The following RALGPS1 variants were observed in gnomAD, a reference collection of about 807,000 sequenced individuals.
RALGPS1 encodes the protein ras-specific guanine nucleotide-releasing factor RalGPS1.
RALGPS1 carries 19 observed loss-of-function variants against 78.8 expected under a neutral mutation model. The ratio of observed to expected loss-of-function variants is 0.24; its 90% CI spans 0.17 to 0.35. RALGPS1 has a LOEUF of 0.35. Among genes scored for constraint, RALGPS1 ranks in the 10% least tolerant of loss-of-function variants. The pLI is 1.00. For missense variants in RALGPS1, 454 were observed against 688.3 expected (o/e 0.66, Z 3.81); for synonymous variants, 228 against 256.3 (o/e 0.89, Z 1.06).
intron 1 of RALGPS1, among the ~76,000 whole-genome samples, chr9:126,953,197 A>G (rs978978548): frequency 5.3e-5 from 8 of 152,144 alleles, no homozygotes; most frequent in Non-Finnish European, 1.0e-4. Flanking sequence ...GTCCCCCCAC[A>G]CAAGACCAGA....
At chr9:126,939,103 C>T (rs1220888498) in intron 1 of RALGPS1, among the ~76,000 whole-genome samples, 1 of 152,206 alleles carries the variant, frequency 6.6e-6, no homozygotes, top group Non-Finnish European at 1.5e-5. Flanking sequence ...AGGGTCTGCA[C>T]TTCAGCACAG....
At chr9:126,991,810 A>C (rs910730915) in intron 4 of RALGPS1, among the ~76,000 whole-genome samples, 1 of 152,258 alleles carries the variant, frequency 6.6e-6, no homozygotes, top group Admixed American at 6.5e-5. Flanking sequence ...GACCTCGCAC[A>C]TGGCAGAAAC....
At chr9:127,159,722 T>C (rs1264052547) in intron 8 of RALGPS1, among the ~76,000 whole-genome samples, 1 of 152,218 alleles carries the variant, frequency 6.6e-6, no homozygotes, top group Admixed American at 6.5e-5. Context: ...AAATGCTTTG[T>C]GCTCTCTTAA....
chr9:126,916,232 G>A (rs2034144754), intron 1 of RALGPS1, among the ~76,000 whole-genome samples: 1 of 152,168 alleles, frequency 6.6e-6, no homozygotes, highest in African/African-American at 2.4e-5. Flanking sequence ...CTGTCTTTTC[G>A]CAGTTTGGGA....
intron 8 of RALGPS1, among the ~76,000 whole-genome samples, chr9:127,149,037 G>A (rs771456168): frequency 3.9e-5 from 6 of 152,186 alleles, no homozygotes; most frequent in East Asian, 1.9e-4. Context: ...GGGAGGCACC[G>A]TTGTTAGCCC....
intron 1 of RALGPS1, among the ~76,000 whole-genome samples, chr9:126,940,587 C>G (rs1021381184): frequency 3.3e-5 from 5 of 152,048 alleles, no homozygotes; most frequent in African/African-American, 7.2e-5. Context: ...CTACAAGCCG[C>G]CCGCCACCAT....
intron 3 of RALGPS1, among the ~76,000 whole-genome samples, chr9:126,972,292 G>A (rs2040194078): frequency 6.6e-6 from 1 of 152,198 alleles, no homozygotes; most frequent in Admixed American, 6.5e-5. Flanking sequence ...TGATAATGGG[G>A]CAGTTTATAA....
intron 13 of RALGPS1, among the ~76,000 whole-genome samples, chr9:127,196,958 AC>A (rs1284246790): frequency 2.0e-5 from 3 of 152,134 alleles, no homozygotes; most frequent in Non-Finnish European, 4.4e-5. Context: ...AGACTGGACC[AC>A]AGTCAGGCTT....
chr9:127,071,113 CAT>C (rs79918276), intron 8 of RALGPS1, among the ~76,000 whole-genome samples: 15,706 of 148,032 alleles, frequency 0.11, 2,621 homozygotes, highest in African/African-American at 0.36. Flanking sequence ...CTAAAGCAAA[CAT>C]ATATATATAT....
intron 8 of RALGPS1, among the ~76,000 whole-genome samples, chr9:127,151,813 C>T (rs2058440090): frequency 6.6e-6 from 1 of 152,118 alleles, no homozygotes; most frequent in African/African-American, 2.4e-5. Context: ...TCCCTAGATA[C>T]ATTCTGGCTA....
rs370366682 is a variant in RALGPS1 at position 126,935,982 on chromosome 9, G to A, written c.-66+21007G>A. ...CGAGGAATCTGGGCTGAATTGGCCC[G>A]AGTCCATTCAGCTAGGGGAGGACTG... On this transcript the variant is annotated intron_variant, in intron 1 of 18. Coordinates refer to ENST00000259351, the MANE Select transcript of RALGPS1 (RefSeq NM_014636.3). Among the ~76,000 whole-genome samples the A allele has an allele frequency of 6.5e-4, 99 of 152,324 alleles. 3 individuals carry two copies. The South Asian group carries it at 0.02, about 31-fold the overall frequency.
At chr9:127,012,270 T>C (rs539477975) in intron 4 of RALGPS1, among the ~76,000 whole-genome samples, 110 of 152,274 alleles carry the variant, frequency 7.2e-4, no homozygotes, top group African/African-American at 2.5e-3. Flanking sequence ...TATTTCCCCC[T>C]TTTGAATTAT....
chr9:126,928,308 G>A (rs2035486710), intron 1 of RALGPS1, among the ~76,000 whole-genome samples: 2 of 152,166 alleles, frequency 1.3e-5, no homozygotes, highest in Admixed American at 1.3e-4. Flanking sequence ...GTTAACTTGA[G>A]GGGGAGTCCT....
rs553949279 is a variant in RALGPS1, at chr9:127,111,597, C to T, written c.610+42241C>T. Among the ~76,000 whole-genome samples the T allele has an allele frequency of 3.3e-5, 5 of 152,326 alleles. No individual in the cohort carries two copies. The East Asian group carries it at 9.6e-4, about 29-fold the overall frequency. Reference sequence around the variant, plus strand: ...AGGTCAGAGCTGCGCAGAGGAGGGCCTATGTGTGTATTTATTAATAACATC... The same window carrying T: ...AGGTCAGAGCTGCGCAGAGGAGGGCTTATGTGTGTATTTATTAATAACATC... On this transcript the variant is annotated intron_variant, in intron 8 of 18. Coordinates refer to ENST00000259351, the MANE Select transcript of RALGPS1 (RefSeq NM_014636.3).
At chr9:127,035,942 A>G (rs17368205) in intron 5 of RALGPS1, among the ~76,000 whole-genome samples, 3,572 of 152,066 alleles carry the variant, frequency 0.023, 47 homozygotes, top group Middle Eastern at 0.048. Context: ...CAGGGAATTC[A>G]TAGTTTCCTT....
At chr9:127,097,716 G>C (rs2053288513) in intron 8 of RALGPS1, among the ~76,000 whole-genome samples, 2 of 152,196 alleles carry the variant, frequency 1.3e-5, no homozygotes, top group Non-Finnish European at 2.9e-5. Flanking sequence ...ATCTATAGCT[G>C]TTCCATATAA....
At chr9:127,048,724 CATATTAAA>C (rs1323251914) in intron 5 of RALGPS1, among the ~76,000 whole-genome samples, 3 of 152,156 alleles carry the variant, frequency 2.0e-5, no homozygotes, top group African/African-American at 7.2e-5. Flanking sequence ...AAAATGTACA[CATATTAAA>C]ATATAAGGTT....
chr9:127,152,982 A>C (rs929414367), intron 8 of RALGPS1, among the ~76,000 whole-genome samples: 1 of 152,206 alleles, frequency 6.6e-6, no homozygotes, highest in Non-Finnish European at 1.5e-5. Flanking sequence ...GGAGTTGAAT[A>C]ACTCACCCAG....
chr9:127,121,004 G>T (rs1426725219), intron 8 of RALGPS1, among the ~76,000 whole-genome samples: 7 of 152,062 alleles, frequency 4.6e-5, no homozygotes, highest in Admixed American at 4.6e-4. Flanking sequence ...AAGCAGTAGG[G>T]TGTGGTTGAG....
Sources: gnomAD v4.1 joint callset for allele counts (sites outside exome capture counted in the v4.1 genomes callset) on GRCh38, gnomAD v4.1.1 for gene constraint, MANE v1.5 for transcripts, NCBI Gene and HGNC (gene_info 2026-07-23, HGNC 2026-07-21) for gene names.